Variants in FZR1 observed in about 807,000 individuals in gnomAD.
The protein encoded by FZR1 is fizzy-related protein homolog.
FZR1 carries 11 observed loss-of-function variants against 63.6 expected under a neutral mutation model. That is an observed-to-expected ratio of 0.17 (90% confidence interval 0.11 to 0.29). The LOEUF (loss-of-function observed/expected upper bound fraction) is 0.29. Among genes scored for constraint, FZR1 ranks in the 10% least tolerant of loss-of-function variants. The probability of loss-of-function intolerance (pLI) is 1.00; values close to 1 mark genes in which losing one functional copy is unlikely to be tolerated. For synonymous variants in FZR1, 328 were observed against 297.9 expected (o/e 1.10, Z -1.04); for missense variants, 440 against 687.5 (o/e 0.64, Z 4.03).
rs1599774209 is a variant in FZR1 at position 3,515,565 on chromosome 19, G to A, written c.-34-7391G>A. Among the ~76,000 whole-genome samples, 2 of 152,000 alleles carry A rather than the reference G, an allele frequency of 1.3e-5. No homozygotes were observed. The highest frequency in any genetic ancestry group is 1.5e-5 in the Non-Finnish European group (1 of 68,014). On this transcript the variant is annotated intron_variant, in intron 1 of 13. Transcript: ENST00000441788. This position sits in a 1 kb window ranked among gnomAD's most constrained non-coding sequence, Gnocchi z 4.6. ...GGGCGGATCACAAGGTCAGGAGATC[G>A]AAACCATCCTGGCTAATACTGTGAA...
rs1226303340 is a variant in FZR1, at chr19:3,536,355, CTCTG to C, written c.*1524_*1527del. 5 of 152,250 alleles carry C rather than the reference CTCTG, an allele frequency of 3.3e-5. No individual in the cohort carries two copies. In the East Asian group the frequency reaches 7.7e-4, roughly 23 times the overall value. 9.4% of individuals were successfully genotyped at this position (152,250 alleles called of 1,614,324 possible). Reference sequence around the variant, plus strand: ...CATTCACTGGAGAGACTCTCCCCACCTCTGTCTGGGTGGGGCGCGGACCCCTCAC... The same window carrying C: ...CATTCACTGGAGAGACTCTCCCCACCTCTGGGTGGGGCGCGGACCCCTCAC... On this transcript the variant is annotated 3_prime_UTR_variant, in exon 14 of 14. Transcript: ENST00000441788.
In FZR1 at chr19:3,514,746, G is replaced by A. The variant is rs1242642995; in HGVS notation, c.-34-8210G>A. On this transcript the variant is annotated intron_variant, in intron 1 of 13. Transcript: ENST00000441788. The surrounding 1 kb of genome is among the most constrained non-coding windows in gnomAD (Gnocchi z 4.2). ...TCGGAGGCTTATTCTGGTGTCTGGT[G>A]TGAGCAGGGGCCGACTCCATTTTTT... Among the ~76,000 whole-genome samples the A allele has an allele frequency of 6.6e-6, 1 of 152,214 alleles. No homozygotes were observed. The highest frequency in any genetic ancestry group is 1.9e-4 in the East Asian group (1 of 5,202).
At position 3,537,318 on chromosome 19, in the gene FZR1, C is replaced by A. The variant is rs1466828648; in HGVS notation, c.*2482C>A. 2 of 152,292 alleles carry A rather than the reference C, an allele frequency of 1.3e-5. No homozygotes were observed. The highest frequency in any genetic ancestry group is 3.9e-4 in the East Asian group (2 of 5,182). The allele number at this position is 152,292 out of a possible 1,614,324, so 9.4% of individuals were successfully genotyped here. A position where few individuals can be genotyped will look rare whatever the true frequency, so the allele number is the denominator to read the frequency against. ...TGCCTCTGCTGTCAGCTCCACCCGACAGGCAGACGAAGGCCAGTGGGGCCA... is the reference window on the plus strand; with the variant it reads ...TGCCTCTGCTGTCAGCTCCACCCGAAAGGCAGACGAAGGCCAGTGGGGCCA... On this transcript the variant is annotated 3_prime_UTR_variant, in exon 14 of 14. Coordinates refer to ENST00000441788, the MANE Select transcript of FZR1 (RefSeq NM_016263.4).
intron 1 of FZR1, among the ~76,000 whole-genome samples, chr19:3,510,087 C>A (rs1303315777): frequency 6.6e-6 from 1 of 152,064 alleles, no homozygotes; most frequent in East Asian, 1.9e-4. Flanking sequence ...CCCAGCATGT[C>A]CCTTCCACCC....
intron 7 of FZR1, among the ~76,000 whole-genome samples, chr19:3,530,489 T>A (rs1202168029): frequency 4.6e-5 from 6 of 129,494 alleles, no homozygotes; most frequent in African/African-American, 1.8e-4. Context: ...AGCGCATGGG[T>A]GAGCGGATGC....
chr19:3,523,797 G>A (rs3746129), intron 2 of FZR1, among the ~76,000 whole-genome samples: 61,806 of 152,096 alleles, frequency 0.41, 14,096 homozygotes, highest in East Asian at 0.84. Context: ...CTGTCCCATC[G>A]CAGCTCCCTC....
At position 3,506,483 on chromosome 19, in the gene FZR1, G is replaced by C. The variant is rs2082983648; in HGVS notation, c.-35+9G>C. On this transcript the variant is annotated intron_variant, in intron 1 of 13. Coordinates refer to ENST00000441788, the MANE Select transcript of FZR1 (RefSeq NM_016263.4). The stretch of plus-strand genomic sequence containing the variant: ...CCACGGGAGCGAGCCAGGTGAGGCG[G>C]CCGGGGTCGGGGACCCGCCCCCCGG... 6.6e-6 allele frequency: 1 copy of C among 151,616 alleles called. No homozygotes were observed. Among genetic ancestry groups the C allele is most frequent in the South Asian group, 2.1e-4 (1 of 4,816 alleles). 9.4% of individuals were successfully genotyped at this position (151,616 alleles called of 1,614,324 possible).
chr19:3,517,407 C>A (rs957161311), intron 1 of FZR1, among the ~76,000 whole-genome samples: 31 of 152,032 alleles, frequency 2.0e-4, no homozygotes, highest in African/African-American at 7.0e-4. Flanking sequence ...AAAATCCTGG[C>A]TGGGCGCTGT....
intron 2 of FZR1, among the ~76,000 whole-genome samples, chr19:3,524,135 A>G (rs2083129578): frequency 6.6e-6 from 1 of 152,220 alleles, no homozygotes; most frequent in Non-Finnish European, 1.5e-5. Flanking sequence ...GTGCACAGAG[A>G]GGATCTGGGC....
At chr19:3,512,686 C>T (rs1010078137) in intron 1 of FZR1, among the ~76,000 whole-genome samples, 2 of 152,140 alleles carry the variant, frequency 1.3e-5, no homozygotes, top group African/African-American at 4.8e-5. Flanking sequence ...GGGGGGCTCA[C>T]GTGCTCTGAC....
chr19:3,532,906 G>A (rs563774085), intron 11 of FZR1, among the ~76,000 whole-genome samples: 13 of 152,176 alleles, frequency 8.5e-5, no homozygotes, highest in South Asian at 6.2e-4. Context: ...GTGAGGAGCC[G>A]GGGAGCTCCT....
rs2029962774 is a variant in FZR1, at chr19:3,536,302, C to T, written c.*1466C>T. ...GGGATGAGGTCCTGGTTTTAAAGCC[C>T]CGTCATTTCAAGCGGGTCGATCTTC... On this transcript the variant is annotated 3_prime_UTR_variant, in exon 14 of 14. Coordinates refer to ENST00000441788, the MANE Select transcript of FZR1 (RefSeq NM_016263.4). 1 of 152,146 alleles carries T rather than the reference C, an allele frequency of 6.6e-6. No homozygotes were observed. The highest frequency in any genetic ancestry group is 6.5e-5 in the Admixed American group (1 of 15,270). The allele number at this position is 152,146 out of a possible 1,614,324, so 9.4% of individuals were successfully genotyped here. A position where few individuals can be genotyped will look rare whatever the true frequency, so the allele number is the denominator to read the frequency against.
At chr19:3,527,979 ACCCTCCCAG>A (rs1388742242) in intron 7 of FZR1, among the ~76,000 whole-genome samples, 165 bp downstream of exon 7, 1 of 146,828 alleles carries the variant, frequency 6.8e-6, no homozygotes, top group African/African-American at 2.5e-5. Flanking sequence ...CCCAGCCACT[ACCCTCCCAG>A]CCCTCCCAGC....
At position 3,534,406 on chromosome 19, in the gene FZR1, C is replaced by T. The variant is rs1253757071; in HGVS notation, c.1348-15C>T. 4 of 1,475,726 alleles carry T rather than the reference C, an allele frequency of 2.7e-6. No homozygotes were observed. The African/African-American group carries it at 4.2e-5, about 15-fold the overall frequency. The allele number at this position is 1,475,726 out of a possible 1,614,324, so 91.4% of individuals were successfully genotyped here. On this transcript the variant is annotated splice_polypyrimidine_tract_variant and intron_variant, in intron 12 of 13. Coordinates refer to ENST00000441788, the MANE Select transcript of FZR1 (RefSeq NM_016263.4). ...AGAGGCCCAGAGACATGGGGTGCTT[C>T]CCTCCTGTCCACAGGCAATGTCCCC...
At position 3,525,837 on chromosome 19, in the gene FZR1, T is replaced by G; in HGVS notation, c.70-31T>G. 2 of 1,604,176 alleles carry G rather than the reference T, an allele frequency of 1.2e-6. No homozygotes were observed. The highest frequency in any genetic ancestry group is 1.7e-6 in the Non-Finnish European group (2 of 1,177,788). On this transcript the variant is annotated intron_variant, in intron 2 of 13. Transcript: ENST00000441788. This position sits in a 1 kb window ranked among gnomAD's most constrained non-coding sequence, Gnocchi z 4.2. ...GGCACTCTCGGGGGGCTCTCGGTGC[T>G]GAGAGCAAGCCCTCTGCTGATGCCC...
rs1481695969 is a variant in FZR1, at chr19:3,537,079, C to G, written c.*2243C>G. The G allele has an allele frequency of 6.6e-6, 1 of 152,538 alleles. No individual in the cohort carries two copies. Among genetic ancestry groups the G allele is most frequent in the Non-Finnish European group, 1.5e-5 (1 of 68,200 alleles). 9.4% of individuals were successfully genotyped at this position (152,538 alleles called of 1,614,324 possible). ...GGTGGGCACTGCTGGGCTGAGTTCA[C>G]CCCCAGGGCTGGCCAGATGGGGCCA... On this transcript the variant is annotated 3_prime_UTR_variant, in exon 14 of 14. Coordinates refer to ENST00000441788, the MANE Select transcript of FZR1 (RefSeq NM_016263.4).
At position 3,526,532 on chromosome 19, in the gene FZR1, A is replaced by T; in HGVS notation, c.387+146A>T. On this transcript the variant is annotated intron_variant, in intron 5 of 13. Coordinates refer to ENST00000441788, the MANE Select transcript of FZR1 (RefSeq NM_016263.4). This position sits in a 1 kb window ranked among gnomAD's most constrained non-coding sequence, Gnocchi z 5.4. Reference sequence around the variant, plus strand: ...CACCCCCGCCCTGACCCTGTTCCTTAGCCAGGTCAGGGGCCCTGGGATCTG... The same window carrying T: ...CACCCCCGCCCTGACCCTGTTCCTTTGCCAGGTCAGGGGCCCTGGGATCTG... 3.1e-6 allele frequency: 2 copies of T among 640,532 alleles called. No individual in the cohort carries two copies. Among genetic ancestry groups the T allele is most frequent in the South Asian group, 1.9e-5 (1 of 52,984 alleles). The allele number at this position is 640,532 out of a possible 1,614,324, so 39.7% of individuals were successfully genotyped here. A position where few individuals can be genotyped will look rare whatever the true frequency, so the allele number is the denominator to read the frequency against.
At position 3,526,324 on chromosome 19, in the gene FZR1, G is replaced by T; in HGVS notation, c.325G>T (p.Asp109Tyr). ...GGGTGCCGGCATCGAGAAGGTGCAGGACCCGCAGACTGAGGACCGCAGGCT... is the reference window on the plus strand; with the variant it reads ...GGGTGCCGGCATCGAGAAGGTGCAGTACCCGCAGACTGAGGACCGCAGGCT... Reference protein sequence around the residue: ...LLGAGIEKVQDPQTEDRRLQP... With the variant: ...LLGAGIEKVQYPQTEDRRLQP... Residue 109 changes from aspartate (D) to tyrosine (Y), a missense_variant, in exon 5 of 14, where the codon GAC becomes TAC. Physicochemically the swap from Asp to Tyr is radical, Grantham distance 160. Around this residue, in one of 5 missense-constraint regions of FZR1, gnomAD observed 200 missense variants for 245.1 expected, o/e 0.82. Transcript: ENST00000441788. This position sits in a 1 kb window ranked among gnomAD's most constrained non-coding sequence, Gnocchi z 5.4. The T allele has an allele frequency of 1.2e-6, 2 of 1,604,336 alleles. No individual in the cohort carries two copies. The highest frequency in any genetic ancestry group is 2.3e-5 in the East Asian group (1 of 44,312).
chr19:3,520,920 C>A (rs778265758), intron 1 of FZR1, among the ~76,000 whole-genome samples: 19 of 152,218 alleles, frequency 1.2e-4, no homozygotes, highest in Non-Finnish European at 2.6e-4. Context: ...GGTGTCGCCT[C>A]GGCCCTTCTG....
Sources: gnomAD v4.1 joint callset for allele counts (sites outside exome capture counted in the v4.1 genomes callset) on GRCh38, gnomAD v4.1.1 for gene constraint, gnomAD v4.1.1 regional missense constraint, Gnocchi (gnomAD v3.1) non-coding constraint, MANE v1.5 for transcripts, NCBI Gene and HGNC (gene_info 2026-07-23, HGNC 2026-07-21) for gene names.